SLAIN2: variants seen among roughly 807,000 people sequenced by gnomAD.
The protein encoded by SLAIN2 is SLAIN family member 2, also known as SLAIN motif-containing protein 2.
A neutral mutation model predicts 56.6 loss-of-function variants in SLAIN2; 31 were observed. The observed-to-expected ratio is 0.55, with a 90% CI of 0.41 to 0.74. The LOEUF is 0.74. Among genes scored for constraint, SLAIN2 ranks in the 30% least tolerant of loss-of-function variants. The pLI is 0.00. For synonymous variants in SLAIN2, 317 were observed against 284.9 expected (o/e 1.11, Z -1.13); for missense variants, 777 against 754.2 (o/e 1.03, Z -0.35).
chr4:48,373,190 A>G (rs1374833153), intron 2 of SLAIN2, among the ~76,000 whole-genome samples: 2 of 152,228 alleles, frequency 1.3e-5, no homozygotes, highest in Non-Finnish European at 2.9e-5. Context: ...AAAAATGTAC[A>G]GTCCTGTGGC....
intron 6 of SLAIN2, among the ~76,000 whole-genome samples, chr4:48,403,749 GGTA>G (rs1251810310): frequency 6.6e-6 from 1 of 152,188 alleles, no homozygotes; most frequent in Non-Finnish European, 1.5e-5. Flanking sequence ...CCCTTCCTAG[GGTA>G]ATGCATGGAG....
At chr4:48,344,450 G>A (rs1341710746) in intron 1 of SLAIN2, among the ~76,000 whole-genome samples, 1 of 152,160 alleles carries the variant, frequency 6.6e-6, no homozygotes, top group Non-Finnish European at 1.5e-5. Context: ...TAGTTCTGAA[G>A]ATGTCAATAA....
At chr4:48,367,114 A>T (rs781450385) in intron 1 of SLAIN2, among the ~76,000 whole-genome samples, 5 of 152,218 alleles carry the variant, frequency 3.3e-5, no homozygotes, top group African/African-American at 4.8e-5. Flanking sequence ...TGAGAGACTT[A>T]AACAACTCTG....
intron 6 of SLAIN2, among the ~76,000 whole-genome samples, chr4:48,395,456 GGAAAA>G (rs1026137615): frequency 9.3e-5 from 14 of 150,956 alleles, no homozygotes; most frequent in African/African-American, 3.4e-4. Context: ...AAAAAAAAAA[GGAAAA>G]GAAAAAATTT....
intron 6 of SLAIN2, among the ~76,000 whole-genome samples, chr4:48,397,415 A>G (rs977775175): frequency 6.6e-6 from 1 of 152,204 alleles, no homozygotes; most frequent in African/African-American, 2.4e-5. Flanking sequence ...AATGATGGTA[A>G]TTGTTTAATA....
rs552158856 is a variant in SLAIN2, at chr4:48,401,395, T to C, written c.1360+17611T>C. ...GGGGTGTTAAAATCTCTCACTATTA[T>C]TGTGTGGGAGTCTAAGTCTCTTTGT... is the stretch of plus-strand genomic sequence containing the variant. On this transcript the variant is annotated intron_variant, in intron 6 of 7. Coordinates refer to ENST00000264313, the MANE Select transcript of SLAIN2 (RefSeq NM_020846.2). Among the ~76,000 whole-genome samples, 13 of 152,322 alleles carry C rather than the reference T, an allele frequency of 8.5e-5. No individual in the cohort carries two copies. The South Asian group carries it at 2.5e-3, about 29-fold the overall frequency.
At chr4:48,397,955 G>A (rs546026724) in intron 6 of SLAIN2, among the ~76,000 whole-genome samples, 4 of 152,222 alleles carry the variant, frequency 2.6e-5, no homozygotes, top group African/African-American at 9.6e-5. Context: ...GAATAGTGCC[G>A]CAATGAACAT....
At chr4:48,367,974 A>G (rs1715565583) in intron 1 of SLAIN2, among the ~76,000 whole-genome samples, 1 of 149,838 alleles carries the variant, frequency 6.7e-6, no homozygotes, top group African/African-American at 2.5e-5. Context: ...TTTCTGCTCC[A>G]TATGCTTTTC....
rs1203794044 is a variant in SLAIN2 at position 48,342,109 on chromosome 4, G to A, written c.370G>A (p.Glu124Lys). The A allele has an allele frequency of 9.1e-6, 12 of 1,315,274 alleles. No homozygotes were observed. In the African/African-American group the frequency reaches 1.9e-4, roughly 20 times the overall value. The allele number at this position is 1,315,274 out of a possible 1,614,324, so 81.5% of individuals were successfully genotyped here. A position where few individuals can be genotyped will look rare whatever the true frequency, so the allele number is the denominator to read the frequency against. The change falls in exon 1 of 8, where the codon GAG becomes AAG. Residue 124 changes from glutamate (E) to lysine (K), a missense_variant. By Grantham distance (56) the Glu-to-Lys change is moderately conservative (BLOSUM62 1). Transcript: ENST00000264313. Reference protein sequence around the residue: ...PDELERLSGWEEEEESWLYSS... With the variant: ...PDELERLSGWKEEEESWLYSS... The stretch of plus-strand genomic sequence containing the variant: ...CGAGCTGGAGCGCCTGTCAGGCTGG[G>A]AGGAGGAGGAGGAGAGCTGGTGAGC...
intron 6 of SLAIN2, among the ~76,000 whole-genome samples, chr4:48,386,227 A>G (rs1716096299): frequency 6.6e-6 from 1 of 152,150 alleles, no homozygotes; most frequent in Non-Finnish European, 1.5e-5. Flanking sequence ...TACTGTATTT[A>G]GATGCATAAT....
rs1348792494 is a variant in SLAIN2, at chr4:48,420,449, T to C, written c.1679+6T>C. The C allele has an allele frequency of 3.7e-6, 6 of 1,612,702 alleles. No homozygotes were observed. Among genetic ancestry groups the C allele is most frequent in the Non-Finnish European group, 5.1e-6 (6 of 1,178,976 alleles). On this transcript the variant is annotated splice_donor_region_variant and intron_variant, in intron 7 of 7. Transcript: ENST00000264313. ...CTTGCACAGCCTGTTCGCAGGTAAG[T>C]GGCAGATGTTCTGTTTCAGCATTCT...
Position 48,422,335 on chromosome 4 carries a change from A to G in SLAIN2, c.*258A>G. 1 of 321,110 alleles carries G rather than the reference A, an allele frequency of 3.1e-6. No individual in the cohort carries two copies. The highest frequency in any genetic ancestry group is 4.7e-5 in the Admixed American group (1 of 21,166). The allele number at this position is 321,110 out of a possible 1,614,324, so 19.9% of individuals were successfully genotyped here. ...GTTTTGTTTAATAGAAACTAGGTTG[A>G]TTTTTAAAAAATATTTGACAGAGGC... On this transcript the variant is annotated 3_prime_UTR_variant, in exon 8 of 8. Coordinates refer to ENST00000264313, the MANE Select transcript of SLAIN2 (RefSeq NM_020846.2).
chr4:48,365,591 C>T (rs750573539), intron 1 of SLAIN2, among the ~76,000 whole-genome samples: 2 of 151,414 alleles, frequency 1.3e-5, no homozygotes, highest in Non-Finnish European at 2.9e-5. Context: ...GATGGAATCT[C>T]GCTCTGTTGC....
In SLAIN2 at chr4:48,423,509, A is replaced by T. The variant is rs906570255; in HGVS notation, c.*1432A>T. The T allele has an allele frequency of 3.3e-5, 5 of 152,308 alleles. No individual in the cohort carries two copies. Among genetic ancestry groups the T allele is most frequent in the African/African-American group, 1.2e-4 (5 of 41,578 alleles). The allele number at this position is 152,308 out of a possible 1,614,324, so 9.4% of individuals were successfully genotyped here. A position where few individuals can be genotyped will look rare whatever the true frequency, so the allele number is the denominator to read the frequency against. ...AAAAGCTTTTAGAGATTTGAACATA[A>T]GTTCATTTCCTGTTAATCAAAGACA... On this transcript the variant is annotated 3_prime_UTR_variant, in exon 8 of 8. Transcript: ENST00000264313.
chr4:48,407,009 G>T (rs1359190319), intron 6 of SLAIN2, among the ~76,000 whole-genome samples: 2 of 151,948 alleles, frequency 1.3e-5, no homozygotes, highest in African/African-American at 2.4e-5. Context: ...CAGATTCGGG[G>T]TATGTTCTTT....
At chr4:48,402,950 G>C (rs1170396351) in intron 6 of SLAIN2, among the ~76,000 whole-genome samples, 2 of 152,138 alleles carry the variant, frequency 1.3e-5, no homozygotes, top group Non-Finnish European at 2.9e-5. Context: ...GTTTTTAACA[G>C]TCAGGCCCTT....
intron 6 of SLAIN2, among the ~76,000 whole-genome samples, chr4:48,404,193 T>A (rs1173967317): frequency 1.3e-5 from 2 of 152,234 alleles, no homozygotes; most frequent in Non-Finnish European, 2.9e-5. Flanking sequence ...CTGTGAGAGC[T>A]GCAGACCACT....
Position 48,378,058 on chromosome 4 carries a change from C to T in SLAIN2, c.701C>T (p.Ser234Leu), listed in dbSNP as rs1417939116. Residue 234 changes from serine (S) to leucine (L), a missense_variant and splice_region_variant, in exon 3 of 8, where the codon TCA becomes TTA. Transcript: ENST00000264313. Reference protein sequence around the residue: ...IVKQLILPGNSGNLKSSDRNP... With the variant: ...IVKQLILPGNLGNLKSSDRNP... Reference sequence around the variant, plus strand: ...AAACAGCTTATACTTCCTGGAAATTCAGGTAAGGAGAAAATGATATGGAGC... The same window carrying T: ...AAACAGCTTATACTTCCTGGAAATTTAGGTAAGGAGAAAATGATATGGAGC... 1 of 1,612,368 alleles carries T rather than the reference C, an allele frequency of 6.2e-7. No homozygotes were observed. The highest frequency in any genetic ancestry group is 1.1e-5 in the South Asian group (1 of 90,946).
At chr4:48,365,642 C>T (rs1715494677) in intron 1 of SLAIN2, among the ~76,000 whole-genome samples, 2 of 151,942 alleles carry the variant, frequency 1.3e-5, no homozygotes, top group South Asian at 4.2e-4. Flanking sequence ...CTCACTGCAA[C>T]CTCCACCTCC....
Sources: allele counts gnomAD v4.1 joint callset (sites outside exome capture counted in the v4.1 genomes callset), GRCh38; gene constraint gnomAD v4.1.1; transcripts MANE v1.5; gene names NCBI Gene and HGNC (gene_info 2026-07-23, HGNC 2026-07-21).